The following USP32 variants were observed in gnomAD, a reference collection of about 807,000 sequenced individuals.
USP32 encodes the protein ubiquitin specific peptidase 32.
A neutral mutation model predicts 204.8 loss-of-function variants in USP32; 59 were observed. The ratio of observed to expected loss-of-function variants is 0.29; its 90% confidence interval spans 0.23 to 0.36. USP32 has a LOEUF of 0.36. Among genes scored for constraint, USP32 ranks in the 10% least tolerant of loss-of-function variants. The probability of loss-of-function intolerance (pLI) is 1.00; values close to 1 mark genes in which losing one functional copy is unlikely to be tolerated. For synonymous variants in USP32, 517 were observed against 678.4 expected (o/e 0.76, Z 3.70); for missense variants, 1,160 against 1,946.4 (o/e 0.60, Z 7.60).
At chr17:60,419,896 G>T (rs2143131130) in intron 1 of USP32, among the ~76,000 whole-genome samples, 2 of 146,470 alleles carry the variant, frequency 1.4e-5, no homozygotes, top group South Asian at 2.1e-4. Flanking sequence ...GTCTTGCTCT[G>T]TTGCTCTAGC....
At chr17:60,228,292 A>G (rs1489102086) in intron 12 of USP32, among the ~76,000 whole-genome samples, 1 of 152,190 alleles carries the variant, frequency 6.6e-6, no homozygotes, top group Non-Finnish European at 1.5e-5. Context: ...CTGGGATTAC[A>G]GGCGTGACCC....
chr17:60,287,933 G>A (rs1328528309), intron 5 of USP32, among the ~76,000 whole-genome samples: 1 of 151,924 alleles, frequency 6.6e-6, no homozygotes, highest in Non-Finnish European at 1.5e-5. Context: ...CTAACATGGT[G>A]AAACCCTGAC....
At chr17:60,384,760 C>A (rs1250373467) in intron 1 of USP32, among the ~76,000 whole-genome samples, 2 of 151,374 alleles carry the variant, frequency 1.3e-5, no homozygotes, top group East Asian at 3.9e-4. Flanking sequence ...CCATTGCACT[C>A]CAGCCTAGGC....
In USP32 at chr17:60,255,261, GA is replaced by G. The variant is rs2086266141; in HGVS notation, c.991-4del. 1 of 1,563,328 alleles carries G rather than the reference GA, an allele frequency of 6.4e-7. No individual in the cohort carries two copies. The highest frequency in any genetic ancestry group is 8.7e-7 in the Non-Finnish European group (1 of 1,145,992). Reference sequence around the variant, plus strand: ...TCTTCCAGAGTAAGATGACCCATCTGAAACAGAGACACTCATGTTAGGAACA... The same window carrying G: ...TCTTCCAGAGTAAGATGACCCATCTGAACAGAGACACTCATGTTAGGAACA... On this transcript the variant is annotated splice_region_variant and splice_polypyrimidine_tract_variant and intron_variant, in intron 9 of 33. Coordinates refer to ENST00000300896, the MANE Select transcript of USP32 (RefSeq NM_032582.4).
At chr17:60,313,288 T>C (rs2087898085) in intron 2 of USP32, among the ~76,000 whole-genome samples, 2 of 151,340 alleles carry the variant, frequency 1.3e-5, no homozygotes, top group African/African-American at 2.5e-5. Context: ...AAATGCAAGC[T>C]CTGTTCCTAT....
At chr17:60,261,143 T>C (rs2086442018) in intron 9 of USP32, among the ~76,000 whole-genome samples, 1 of 152,340 alleles carries the variant, frequency 6.6e-6, no homozygotes, top group Admixed American at 6.5e-5. Flanking sequence ...AAAATGCTAC[T>C]TGTTTATCTT....
chr17:60,318,933 A>G (rs1325841755), intron 2 of USP32, among the ~76,000 whole-genome samples: 2 of 152,270 alleles, frequency 1.3e-5, no homozygotes, highest in African/African-American at 4.8e-5. Flanking sequence ...AAGTTCTGAT[A>G]CATGTTACAA....
intron 9 of USP32, among the ~76,000 whole-genome samples, chr17:60,258,902 T>G (rs939696265): frequency 3.9e-5 from 6 of 152,348 alleles, no homozygotes; most frequent in South Asian, 2.1e-4. Context: ...GACCTTTCCA[T>G]TCTTTAAAAA....
intron 2 of USP32, among the ~76,000 whole-genome samples, chr17:60,324,283 A>AATAT (rs138904415): frequency 0.016 from 2,300 of 146,486 alleles, 21 homozygotes; most frequent in Middle Eastern, 0.018. Flanking sequence ...CCGTGTTTCA[A>AATAT]ATATATATAT....
At chr17:60,182,784 A>G (rs2145361578) in intron 31 of USP32, among the ~76,000 whole-genome samples, 1 of 151,640 alleles carries the variant, frequency 6.6e-6, no homozygotes, top group East Asian at 1.9e-4. Flanking sequence ...AATAAAAAAT[A>G]AAATAAATTA....
chr17:60,262,747 T>A (rs1419006698), intron 9 of USP32, among the ~76,000 whole-genome samples: 9 of 152,336 alleles, frequency 5.9e-5, no homozygotes, highest in African/African-American at 2.2e-4. Context: ...CAGGATGTTT[T>A]ACTGTACAGT....
Position 60,238,052 on chromosome 17 carries a change from T to C in USP32, c.1137-1812A>G, listed in dbSNP as rs571854122. 2.0e-5 allele frequency among the ~76,000 whole-genome samples: 3 copies of C among 152,336 alleles called. No homozygotes were observed. In the South Asian group the frequency reaches 6.2e-4, roughly 32 times the overall value. Reference sequence around the variant, plus strand: ...ACCAGCAATATATGAGAGTCCCTAATTTCCCTACTTGCCAAAACCTTCCAT... The same window carrying C: ...ACCAGCAATATATGAGAGTCCCTAACTTCCCTACTTGCCAAAACCTTCCAT... On this transcript the variant is annotated intron_variant, in intron 11 of 33. Transcript: ENST00000300896.
At chr17:60,204,539 G>A (rs75478160) in intron 26 of USP32, among the ~76,000 whole-genome samples, 137 of 147,192 alleles carry the variant, frequency 9.3e-4, no homozygotes, top group African/African-American at 3.3e-3. Flanking sequence ...CGCAATCTTC[G>A]CTCACTGCAA....
intron 9 of USP32, among the ~76,000 whole-genome samples, chr17:60,261,805 G>C (rs1186715737): frequency 6.6e-6 from 1 of 152,076 alleles, no homozygotes; most frequent in Non-Finnish European, 1.5e-5. Context: ...TTTTTAAGAT[G>C]ATAATCTGAT....
intron 12 of USP32, among the ~76,000 whole-genome samples, chr17:60,228,291 C>G (rs1567784623): frequency 6.6e-6 from 1 of 152,066 alleles, no homozygotes; most frequent in Non-Finnish European, 1.5e-5. Flanking sequence ...GCTGGGATTA[C>G]AGGCGTGACC....
chr17:60,250,633 T>G (rs1279608853), intron 11 of USP32, among the ~76,000 whole-genome samples: 1 of 151,950 alleles, frequency 6.6e-6, no homozygotes, highest in African/African-American at 2.4e-5. Flanking sequence ...CAAGACTGAG[T>G]CTTCTGAGTA....
chr17:60,296,366 C>CA (rs1244065576), intron 3 of USP32, among the ~76,000 whole-genome samples: 2 of 151,934 alleles, frequency 1.3e-5, no homozygotes, highest in African/African-American at 4.8e-5. Flanking sequence ...GACTGGTGCC[C>CA]TTATAAGAAG....
chr17:60,302,540 A>G (rs2087610812), intron 2 of USP32, among the ~76,000 whole-genome samples: 1 of 152,208 alleles, frequency 6.6e-6, no homozygotes, highest in South Asian at 2.1e-4. Flanking sequence ...CCAACTTACA[A>G]TGGGTTTATC....
intron 17 of USP32, among the ~76,000 whole-genome samples, chr17:60,213,951 T>G (rs117693502): frequency 0.022 from 3,312 of 151,992 alleles, 84 homozygotes; most frequent in African/African-American, 0.067. Context: ...TTTTGTTTTT[T>G]TTTTTTTTAA....
Sources: allele counts gnomAD v4.1 joint callset (sites outside exome capture counted in the v4.1 genomes callset), GRCh38; gene constraint gnomAD v4.1.1; transcripts MANE v1.5; gene names NCBI Gene and HGNC (gene_info 2026-07-23, HGNC 2026-07-21).